ERCC6: variants seen among roughly 807,000 people sequenced by gnomAD.
The protein encoded by ERCC6 is ERCC excision repair 6, chromatin remodeling factor, also known as DNA excision repair protein ERCC-6.
ERCC6 carries 116 observed loss-of-function variants against 158.7 expected under a neutral mutation model. That is an observed-to-expected ratio of 0.73 (90% CI 0.63 to 0.85). The LOEUF (loss-of-function observed/expected upper bound fraction) is 0.85, where lower values mean the gene tolerates loss of function less well. Ranked by LOEUF, ERCC6 falls within the 40% of genes least tolerant of loss-of-function variation. The pLI, the probability that ERCC6 is intolerant of heterozygous loss-of-function variation, is 0.00. For synonymous variants in ERCC6, 678 were observed against 659.3 expected (o/e 1.03, Z -0.43); for missense variants, 1,698 against 1,799.4 (o/e 0.94, Z 1.02).
chr10:49,445,675 T>C, the ERCC6 span, among the ~76,000 whole-genome samples: 1 of 152,204 alleles, frequency 6.6e-6, no homozygotes, highest in African/African-American at 2.4e-5. Context: ...AAATATAATG[T>C]GACAAAAATC....
chr10:49,437,046 T>C, the ERCC6 span, among the ~76,000 whole-genome samples: 1 of 152,160 alleles, frequency 6.6e-6, no homozygotes, highest in South Asian at 2.1e-4. Flanking sequence ...GATGATTGAA[T>C]CATGGGGGGT....
chr10:49,515,252 T>G, intron 5 of ERCC6: 2 of 1,455,268 alleles, frequency 1.4e-6, no homozygotes, highest in Non-Finnish European at 1.8e-6. Context: ...GTTCCAAAAT[T>G]GGAACACTAG....
intron 1 of ERCC6, among the ~76,000 whole-genome samples, chr10:49,536,712 A>G (rs1179028645): frequency 1.3e-5 from 2 of 152,192 alleles, no homozygotes; most frequent in South Asian, 2.1e-4. Context: ...GCAAAGCCAT[A>G]GACTGCTAAC....
chr10:49,443,372 C>T, the ERCC6 span, among the ~76,000 whole-genome samples: 2 of 152,320 alleles, frequency 1.3e-5, no homozygotes, highest in South Asian at 2.1e-4. Context: ...TACAATCATA[C>T]ACCACATAAT....
chr10:49,478,987 C>T (rs1265666760), intron 10 of ERCC6, among the ~76,000 whole-genome samples: 1 of 152,110 alleles, frequency 6.6e-6, no homozygotes, highest in Non-Finnish European at 1.5e-5. Context: ...CCACTGGAGA[C>T]TTACAAGAGT....
intron 4 of ERCC6, among the ~76,000 whole-genome samples, chr10:49,526,113 ATTTT>A (rs1293541382): frequency 0.014 from 766 of 55,498 alleles, 4 homozygotes; most frequent in South Asian, 0.025. Context: ...ATATTTATAT[ATTTT>A]TATATATATA....
chr10:49,521,186 C>T (rs769789271), intron 5 of ERCC6, among the ~76,000 whole-genome samples: 65 of 152,216 alleles, frequency 4.3e-4, no homozygotes, highest in Non-Finnish European at 5.9e-4. Context: ...TGGAGGCTTA[C>T]CTCGAATATG....
In ERCC6 at chr10:49,476,254, A is replaced by G; in HGVS notation, c.2343T>C (p.Asp781=). 1 of 1,614,038 alleles carries G rather than the reference A, an allele frequency of 6.2e-7. No homozygotes were observed. Among genetic ancestry groups the G allele is most frequent in the Non-Finnish European group, 8.5e-7 (1 of 1,179,926 alleles). ...EQHKVYQNFV[D]SKEVYRILNG... ...TGAGAATCCTGTAAACTTCTTTGGA[A>G]TCAACGAAATTTTGGTAGACTTTAT... is the stretch of plus-strand genomic sequence containing the variant. The change falls in exon 12 of 21, where the codon GAT becomes GAC. Residue 781 remains aspartate (D), a synonymous_variant. Coordinates refer to ENST00000355832, the MANE Select transcript of ERCC6 (RefSeq NM_000124.4).
intron 5 of ERCC6, among the ~76,000 whole-genome samples, chr10:49,519,247 G>A (rs1837079076): frequency 1.3e-5 from 2 of 152,204 alleles, no homozygotes; most frequent in Admixed American, 6.5e-5. Flanking sequence ...AAACATGTAT[G>A]TAGAGGGCCC....
intron 5 of ERCC6, among the ~76,000 whole-genome samples, chr10:49,519,904 G>A (rs185905996): frequency 2.6e-4 from 39 of 152,272 alleles, no homozygotes; most frequent in Admixed American, 1.3e-3. Context: ...TGCACCTGCT[G>A]CCTCAGACTC....
intron 18 of ERCC6, 68 bp downstream of exon 18, chr10:49,470,114 A>T: frequency 7.2e-7 from 1 of 1,380,318 alleles, no homozygotes; most frequent in Non-Finnish European, 1.0e-6. Flanking sequence ...AAAGACTGCT[A>T]CTGCTAGAAA....
At chr10:49,522,114 T>C (rs1837181240) in intron 5 of ERCC6, among the ~76,000 whole-genome samples, 1 of 152,150 alleles carries the variant, frequency 6.6e-6, no homozygotes, top group Non-Finnish European at 1.5e-5. Context: ...AAAAACTAAT[T>C]TTCTATGTTG....
At chr10:49,468,589 C>G (rs963962067) in intron 18 of ERCC6, among the ~76,000 whole-genome samples, 2 of 152,182 alleles carry the variant, frequency 1.3e-5, no homozygotes, top group Non-Finnish European at 1.5e-5. Context: ...ACAGGTGTAT[C>G]TGTGCAATTT....
chr10:49,439,930 C>T, the ERCC6 span, among the ~76,000 whole-genome samples: 8 of 152,202 alleles, frequency 5.3e-5, no homozygotes, highest in Non-Finnish European at 1.2e-4. Flanking sequence ...CCATCTGAGA[C>T]CACCTCAGTC....
intron 15 of ERCC6, 196 bp downstream of exon 15, chr10:49,472,713 T>C (rs554721950): frequency 2.7e-6 from 2 of 749,364 alleles, no homozygotes; most frequent in Admixed American, 5.2e-5. Flanking sequence ...GAATGAATGC[T>C]ATGGATAAAC....
rs753496156 is a variant in ERCC6 at position 49,461,433 on chromosome 10, C to T, written c.3902G>A (p.Arg1301His). The change falls in exon 19 of 21, where the codon CGT (arginine) becomes CAT (histidine). Residue 1301 changes from arginine to histidine, a missense_variant. Arg to His is a conservative substitution (Grantham distance 29). Transcript: ENST00000355832. ...QDALKALRLS[R>H]QRCLGAVSGV... ...AGACACTGCTCCCAGACACCGCTGA[C>T]GAGAGAGCCTCAGTGCTTTCAGGGC... The T allele has an allele frequency of 1.9e-5, 31 of 1,614,082 alleles. No homozygotes were observed. Among genetic ancestry groups the T allele is most frequent in the Admixed American group, 3.3e-5 (2 of 60,010 alleles).
Position 49,524,663 on chromosome 10 carries a change from T to C in ERCC6, c.767A>G (p.Gln256Arg), listed in dbSNP as rs1399165856. Residue 256 changes from glutamine (Q) to arginine (R), a missense_variant, in exon 5 of 21, where the codon CAG becomes CGG. Coordinates refer to ENST00000355832, the MANE Select transcript of ERCC6 (RefSeq NM_000124.4). ...CATGATTTTTCTGGGCTTTTTCTCC[T>C]GTTTCTGAGGGATCTGGGTACCAAA... ...TPFGTQIPQK[Q>R]EKKPRKIMLN... 15 of 1,613,988 alleles carry C rather than the reference T, an allele frequency of 9.3e-6. No individual in the cohort carries two copies. The highest frequency in any genetic ancestry group is 1.3e-5 in the Non-Finnish European group (15 of 1,180,044).
intron 5 of ERCC6, among the ~76,000 whole-genome samples, chr10:49,508,643 T>C (rs1245219827): frequency 6.6e-6 from 1 of 152,166 alleles, no homozygotes; most frequent in Non-Finnish European, 1.5e-5. Flanking sequence ...TATACACATA[T>C]TAAAGACAGA....
the ERCC6 span, among the ~76,000 whole-genome samples, chr10:49,447,523 T>TA: frequency 6.6e-6 from 1 of 151,686 alleles, no homozygotes; most frequent in Non-Finnish European, 1.5e-5. Context: ...CCATCTCTAC[T>TA]AAAAAAATAC....
Sources: allele counts gnomAD v4.1 joint callset (sites outside exome capture counted in the v4.1 genomes callset), GRCh38; gene constraint gnomAD v4.1.1; transcripts MANE v1.5; gene names NCBI Gene and HGNC (gene_info 2026-07-23, HGNC 2026-07-21).